Variants in FAM114A1 observed in about 807,000 individuals in gnomAD.
FAM114A1 encodes the protein protein NOXP20.
A neutral mutation model predicts 64.3 loss-of-function variants in FAM114A1; 62 were observed. The observed-to-expected ratio is 0.96, with a 90% CI of 0.79 to 1.19. The LOEUF (loss-of-function observed/expected upper bound fraction) is 1.19, where lower values mean the gene tolerates loss of function less well. Among genes scored for constraint, FAM114A1 ranks in the 50% most tolerant of loss-of-function variants. FAM114A1 has a pLI of 0.00. For synonymous variants in FAM114A1, 254 were observed against 251.1 expected, an observed-to-expected ratio of 1.01 and a Z score of -0.11; for missense variants, 645 against 676.3, an observed-to-expected ratio of 0.95 and a Z score of 0.51.
At chr4:38,925,573 G>A (rs956261596) in intron 9 of FAM114A1, among the ~76,000 whole-genome samples, 3 of 152,152 alleles carry the variant, frequency 2.0e-5, no homozygotes, top group Admixed American at 2.0e-4. Flanking sequence ...CTCAGAAAAT[G>A]TAATAAACTA....
Position 38,891,742 on chromosome 4 carries a change from G to A in FAM114A1, c.349-1G>A. On this transcript the variant is annotated splice_acceptor_variant, in intron 3 of 14. Coordinates refer to ENST00000358869, the MANE Select transcript of FAM114A1 (RefSeq NM_138389.4). LOFTEE classifies it high-confidence loss of function. Reference sequence around the variant, plus strand: ...CCTGTGGCTAATTTGTTTTTCTCCAGGCTGTGGATTCCCCTCCAAGTGGAG... The same window carrying A: ...CCTGTGGCTAATTTGTTTTTCTCCAAGCTGTGGATTCCCCTCCAAGTGGAG... 1 of 1,604,166 alleles carries A rather than the reference G, an allele frequency of 6.2e-7. No individual in the cohort carries two copies. The highest frequency in any genetic ancestry group is 8.5e-7 in the Non-Finnish European group (1 of 1,175,716).
intron 3 of FAM114A1, among the ~76,000 whole-genome samples, chr4:38,885,574 G>T (rs1715718747): frequency 6.6e-6 from 1 of 152,194 alleles, no homozygotes; most frequent in Non-Finnish European, 1.5e-5. Flanking sequence ...ACCGAAGCCA[G>T]CTCCTTGAAT....
At chr4:38,883,690 G>C (rs912155965) in intron 3 of FAM114A1, among the ~76,000 whole-genome samples, 1 of 152,250 alleles carries the variant, frequency 6.6e-6, no homozygotes, top group African/African-American at 2.4e-5. Flanking sequence ...AGGAGTAGGG[G>C]ACACAGGCTG....
At chr4:38,873,431 T>C (rs1030668379) in intron 2 of FAM114A1, among the ~76,000 whole-genome samples, 1 of 152,232 alleles carries the variant, frequency 6.6e-6, no homozygotes, top group Non-Finnish European at 1.5e-5. Flanking sequence ...TTGAGCTTCC[T>C]ACTATGCACA....
intron 12 of FAM114A1, 74 bp from the exon 13 acceptor site, chr4:38,935,644 C>T (rs1352172623): frequency 9.7e-7 from 1 of 1,029,810 alleles, no homozygotes; most frequent in East Asian, 2.4e-5. Context: ...GAATTAGTAT[C>T]AGAAATGGTC....
intron 9 of FAM114A1, among the ~76,000 whole-genome samples, chr4:38,928,576 T>G (rs1720352884): frequency 6.6e-6 from 1 of 152,138 alleles, no homozygotes; most frequent in Non-Finnish European, 1.5e-5. Context: ...GCACCTATGA[T>G]ATGTGAGGTA....
chr4:38,912,623 C>T (rs1277224604), intron 7 of FAM114A1, among the ~76,000 whole-genome samples: 3 of 152,126 alleles, frequency 2.0e-5, no homozygotes, highest in Non-Finnish European at 4.4e-5. Flanking sequence ...ACCTAGTGAT[C>T]GGCCCACCTT....
At chr4:38,906,423 G>A (rs2109679377) in intron 6 of FAM114A1, among the ~76,000 whole-genome samples, 1 of 152,136 alleles carries the variant, frequency 6.6e-6, no homozygotes, top group Non-Finnish European at 1.5e-5. Flanking sequence ...CTTAGAAGAA[G>A]CTCCATATTA....
chr4:38,922,995 C>G, intron 9 of FAM114A1, 102 bp downstream of exon 9: 1 of 1,301,568 alleles, frequency 7.7e-7, no homozygotes, highest in African/African-American at 1.5e-5. Flanking sequence ...TTCAAGTGCT[C>G]CTCCTCCATG....
At chr4:38,903,802 C>T (rs1248735719) in intron 4 of FAM114A1, among the ~76,000 whole-genome samples, 7 of 152,056 alleles carry the variant, frequency 4.6e-5, no homozygotes, top group African/African-American at 1.2e-4. Flanking sequence ...ACTATAAACA[C>T]GTATTTCTAT....
intron 3 of FAM114A1, among the ~76,000 whole-genome samples, chr4:38,881,057 T>C (rs1715219601): frequency 6.6e-6 from 1 of 151,988 alleles, no homozygotes; most frequent in South Asian, 2.1e-4. Context: ...TGGTGGTGCA[T>C]GCCTGTAGTC....
chr4:38,890,547 T>TTTCC (rs1434514399), intron 3 of FAM114A1, among the ~76,000 whole-genome samples: 2 of 152,126 alleles, frequency 1.3e-5, no homozygotes, highest in African/African-American at 4.8e-5. Flanking sequence ...CCCTTCCTTC[T>TTTCC]TTCCTTCCTT....
At chr4:38,878,757 G>C (rs1341772769) in intron 3 of FAM114A1, among the ~76,000 whole-genome samples, 1 of 152,150 alleles carries the variant, frequency 6.6e-6, no homozygotes, top group Non-Finnish European at 1.5e-5. Flanking sequence ...GCTTATACCT[G>C]TGGCAACCAG....
intron 13 of FAM114A1, among the ~76,000 whole-genome samples, chr4:38,936,084 GTTTTGTTTT>G (rs1180283929): frequency 2.7e-5 from 4 of 148,862 alleles, no homozygotes; most frequent in Non-Finnish European, 5.9e-5. Context: ...TTTGATTTTT[GTTTTGTTTT>G]TTTTGTTTTT....
chr4:38,922,990 G>A, intron 9 of FAM114A1, 97 bp downstream of exon 9: 2 of 1,323,884 alleles, frequency 1.5e-6, no homozygotes, highest in Admixed American at 2.6e-5. Flanking sequence ...CTTAATTCAA[G>A]TGCTCCTCCT....
At position 38,943,404 on chromosome 4, in the gene FAM114A1, C is replaced by T. The variant is rs1298485408; in HGVS notation, c.1591-52C>T. Reference sequence around the variant, plus strand: ...AACATTATCCAATTGGAAGTATTGTCAAGGTTGAACTATGAAAATAACCCT... The same window carrying T: ...AACATTATCCAATTGGAAGTATTGTTAAGGTTGAACTATGAAAATAACCCT... On this transcript the variant is annotated intron_variant, in intron 14 of 14. Coordinates refer to ENST00000358869, the MANE Select transcript of FAM114A1 (RefSeq NM_138389.4). 6.8e-6 allele frequency: 10 copies of T among 1,463,470 alleles called. No homozygotes were observed. In the South Asian group the frequency reaches 9.1e-5, roughly 13 times the overall value. The allele number at this position is 1,463,470 out of a possible 1,614,324, so 90.7% of individuals were successfully genotyped here.
rs1438403462 is a variant in FAM114A1, at chr4:38,927,531, T to C, written c.1070-1711T>C. Among the ~76,000 whole-genome samples the C allele has an allele frequency of 2.0e-5, 3 of 152,120 alleles. No homozygotes were observed. In the East Asian group the frequency reaches 5.8e-4, roughly 29 times the overall value. On this transcript the variant is annotated intron_variant, in intron 9 of 14. Transcript: ENST00000358869. ...TCACCTCCTATTGTCATCACATTGG[T>C]ATTAGGTTTCAAAATATTAATTTGG...
chr4:38,878,499 A>C (rs1714898892), intron 3 of FAM114A1, 73 bp downstream of exon 3: 2 of 1,386,760 alleles, frequency 1.4e-6, no homozygotes, highest in South Asian at 2.8e-5. Flanking sequence ...GCTAGCACCA[A>C]GCTCTGTGGG....
chr4:38,877,643 C>T (rs376284176), intron 2 of FAM114A1, among the ~76,000 whole-genome samples: 10 of 151,586 alleles, frequency 6.6e-5, no homozygotes, highest in African/African-American at 2.4e-4. Context: ...TGGGGACCCA[C>T]AAGGTTACAT....
Sources: gnomAD v4.1 joint callset for allele counts (sites outside exome capture counted in the v4.1 genomes callset) on GRCh38, gnomAD v4.1.1 for gene constraint, MANE v1.5 for transcripts, NCBI Gene and HGNC (gene_info 2026-07-23, HGNC 2026-07-21) for gene names.